Variants in IKBKB observed in about 807,000 individuals in gnomAD.
IKBKB encodes the protein inhibitor of nuclear factor kappa B kinase subunit beta.
IKBKB carries 42 observed loss-of-function variants against 113.6 expected under a neutral mutation model. That is an observed-to-expected ratio of 0.37 (90% CI 0.29 to 0.48). IKBKB has a LOEUF of 0.48. IKBKB is among the 20% of genes least tolerant of loss of function. The pLI, the probability that IKBKB is intolerant of heterozygous loss-of-function variation, is 0.99. For synonymous variants in IKBKB, 296 were observed against 361.3 expected, an observed-to-expected ratio of 0.82 and a Z score of 2.05; for missense variants, 673 against 939.7, an observed-to-expected ratio of 0.72 and a Z score of 3.71.
chr8:42,309,420 CA>C, intron 8 of IKBKB: 1 of 367,454 alleles, frequency 2.7e-6, no homozygotes. Context: ...TTGTTGTTGA[CA>C]AATGTTACTA....
chr8:42,290,674 C>T (rs1812434528), intron 4 of IKBKB, among the ~76,000 whole-genome samples: 1 of 152,178 alleles, frequency 6.6e-6, no homozygotes, highest in South Asian at 2.1e-4. Flanking sequence ...GGATTTTATT[C>T]TAGAGATGGG....
rs192308278 is a variant in IKBKB, at chr8:42,322,202, G to T, written c.1838+49G>T. On this transcript the variant is annotated intron_variant, in intron 18 of 21. Transcript: ENST00000520810. The stretch of plus-strand genomic sequence containing the variant: ...CTGGAGGAAGGACTGGGAGATGCAG[G>T]TATGAGGTCACCTTCCTCCCTCCTC... 14 of 1,565,842 alleles carry T rather than the reference G, an allele frequency of 8.9e-6. No homozygotes were observed. In the East Asian group the frequency reaches 2.7e-4, roughly 30 times the overall value.
Position 42,303,116 on chromosome 8 carries a change from AGAAT to A in IKBKB, c.389-2068_389-2065del, listed in dbSNP as rs1268613740. 4.1e-4 allele frequency among the ~76,000 whole-genome samples: 59 copies of A among 143,894 alleles called. 1 individual carries two copies. Among genetic ancestry groups the A allele is most frequent in the African/African-American group, 1.5e-3 (51 of 35,090 alleles). The allele number at this position is 143,894 out of a possible 152,430, so 94.4% of individuals were successfully genotyped here. ...ATGAGAGAGAGAGAGAGAGAGAGAG[AGAAT>A]GAGAGAGAGAGAGAGAGGAGAGAGA... On this transcript the variant is annotated intron_variant, in intron 5 of 21. Transcript: ENST00000520810.
At chr8:42,303,741 A>G (rs1234061514) in intron 5 of IKBKB, among the ~76,000 whole-genome samples, 1 of 152,180 alleles carries the variant, frequency 6.6e-6, no homozygotes, top group African/African-American at 2.4e-5. Context: ...TCCTGACCTC[A>G]GGTGATTCGC....
At chr8:42,277,011 C>T (rs1173485727) in intron 2 of IKBKB, among the ~76,000 whole-genome samples, 3 of 150,752 alleles carry the variant, frequency 2.0e-5, no homozygotes, top group Non-Finnish European at 3.0e-5. Context: ...GGACTGCTGG[C>T]GCCTGCCACC....
intron 4 of IKBKB, 57 bp downstream of exon 4, chr8:42,290,330 A>C (rs1812350362): frequency 1.3e-5 from 16 of 1,224,172 alleles, no homozygotes; most frequent in Non-Finnish European, 1.9e-5. Flanking sequence ...GGACACCAGG[A>C]AGAGGGATGG....
chr8:42,302,550 T>G (rs1815433419), intron 5 of IKBKB, among the ~76,000 whole-genome samples: 1 of 152,228 alleles, frequency 6.6e-6, no homozygotes, highest in Non-Finnish European at 1.5e-5. Context: ...TGAAGGTTTT[T>G]GTACACTGAC....
chr8:42,310,038 GATAA>G (rs1465783097), intron 8 of IKBKB, among the ~76,000 whole-genome samples: 14 of 152,162 alleles, frequency 9.2e-5, no homozygotes, highest in Non-Finnish European at 1.9e-4. Context: ...TGTTGTACAG[GATAA>G]ATATAGACCA....
chr8:42,292,793 C>T (rs1812926417), intron 4 of IKBKB, among the ~76,000 whole-genome samples: 1 of 152,176 alleles, frequency 6.6e-6, no homozygotes, highest in Middle Eastern at 3.2e-3. Flanking sequence ...GACCTGGCGC[C>T]GCATTCCAGC....
intron 4 of IKBKB, 140 bp from the exon 5 acceptor site, chr8:42,293,303 C>T (rs1298434953): frequency 1.0e-6 from 1 of 975,506 alleles, no homozygotes; most frequent in Non-Finnish European, 1.5e-6. Flanking sequence ...TTCTGCAGCC[C>T]TGGCTTCCTC....
chr8:42,287,583 A>G (rs895490315), intron 2 of IKBKB, among the ~76,000 whole-genome samples: 4 of 152,210 alleles, frequency 2.6e-5, no homozygotes, highest in African/African-American at 9.6e-5. Flanking sequence ...ATAGGAGCCA[A>G]TCTCTGTAGG....
At chr8:42,319,511 T>A in intron 14 of IKBKB, 74 bp from the exon 15 acceptor site, 3 of 1,580,948 alleles carry the variant, frequency 1.9e-6, no homozygotes, top group Non-Finnish European at 2.6e-6. Flanking sequence ...ATAATTGAGT[T>A]GCTTATTTCT....
At chr8:42,300,082 T>A (rs1814851418) in intron 5 of IKBKB, among the ~76,000 whole-genome samples, 1 of 152,210 alleles carries the variant, frequency 6.6e-6, no homozygotes, top group Non-Finnish European at 1.5e-5. Flanking sequence ...AGTGAAGTTG[T>A]CGCACTTTCG....
At chr8:42,319,691 A>AT in intron 15 of IKBKB, 45 bp downstream of exon 15, 1 of 1,467,908 alleles carries the variant, frequency 6.8e-7, no homozygotes, top group Non-Finnish European at 9.2e-7. Context: ...AGGGGGTGAG[A>AT]TTTTGTGCTC....
intron 2 of IKBKB, among the ~76,000 whole-genome samples, chr8:42,279,517 C>G (rs1809896654): frequency 6.6e-6 from 1 of 152,208 alleles, no homozygotes; most frequent in Non-Finnish European, 1.5e-5. Flanking sequence ...TGAGAACCTG[C>G]TATGCGCCAG....
At chr8:42,325,837 G>A in intron 19 of IKBKB, 133 bp from the exon 20 acceptor site, 2 of 1,491,672 alleles carry the variant, frequency 1.3e-6, no homozygotes, top group Non-Finnish European at 1.8e-6. Context: ...AGGTGGGGGT[G>A]CCAACTGGTA....
At chr8:42,284,006 T>C (rs1284101248) in intron 2 of IKBKB, among the ~76,000 whole-genome samples, 1 of 152,196 alleles carries the variant, frequency 6.6e-6, no homozygotes, top group East Asian at 1.9e-4. Context: ...TGTGGAACCC[T>C]GCGTTCCCCA....
chr8:42,281,666 C>CT (rs1378294730), intron 2 of IKBKB, among the ~76,000 whole-genome samples: 2 of 152,172 alleles, frequency 1.3e-5, no homozygotes, highest in Non-Finnish European at 2.9e-5. Flanking sequence ...GATCCCGGAC[C>CT]TTTTTGGCTC....
chr8:42,293,039 G>A (rs1189101608), intron 4 of IKBKB, among the ~76,000 whole-genome samples: 2 of 152,214 alleles, frequency 1.3e-5, no homozygotes, highest in African/African-American at 4.8e-5. Context: ...GCTAGGAGAT[G>A]GCAGGGCGGT....
Sources: gnomAD v4.1 joint callset for allele counts (sites outside exome capture counted in the v4.1 genomes callset) on GRCh38, gnomAD v4.1.1 for gene constraint, MANE v1.5 for transcripts, NCBI Gene and HGNC (gene_info 2026-07-23, HGNC 2026-07-21) for gene names.